ATP10B: variants seen among roughly 807,000 people sequenced by gnomAD.
The protein encoded by ATP10B is ATPase phospholipid transporting 10B (putative).
Under a neutral mutation model 141.2 loss-of-function variants are expected in ATP10B, and 122 were observed. That is an observed-to-expected ratio of 0.86 (90% confidence interval 0.75 to 1.00). ATP10B has a LOEUF of 1.00. Among genes scored for constraint, ATP10B ranks in the 50% least tolerant of loss-of-function variants. The pLI is 0.00. For synonymous variants in ATP10B, 685 were observed against 692.0 expected (o/e 0.99, Z 0.16); for missense variants, 1,876 against 1,825.3 (o/e 1.03, Z -0.51).
chr5:160,733,631 A>G (rs72818570), intron 2 of ATP10B, among the ~76,000 whole-genome samples: 1 of 151,892 alleles, frequency 6.6e-6, no homozygotes, highest in Non-Finnish European at 1.5e-5. Context: ...TTACACATAT[A>G]TGTAACACAT....
the ATP10B span, among the ~76,000 whole-genome samples, chr5:160,871,241 C>T: frequency 5.9e-5 from 9 of 152,006 alleles, no homozygotes; most frequent in East Asian, 1.9e-4. Context: ...TGTATATATA[C>T]ATATGTGCTT....
At chr5:160,661,525 A>C (rs1292443685) in intron 7 of ATP10B, among the ~76,000 whole-genome samples, 5 of 152,200 alleles carry the variant, frequency 3.3e-5, no homozygotes, top group Non-Finnish European at 1.5e-5. Flanking sequence ...TCTGCTTCAA[A>C]ATAATTTGCA....
At chr5:160,658,994 C>T (rs1761705389) in intron 7 of ATP10B, among the ~76,000 whole-genome samples, 1 of 152,128 alleles carries the variant, frequency 6.6e-6, no homozygotes, top group Non-Finnish European at 1.5e-5. Context: ...TTTGAGATAT[C>T]AAATATTTCC....
At chr5:160,750,629 C>A (rs1768091187) in intron 2 of ATP10B, among the ~76,000 whole-genome samples, 1 of 152,216 alleles carries the variant, frequency 6.6e-6, no homozygotes. Flanking sequence ...CAGAACCATC[C>A]TCCACTCTGC....
In ATP10B at chr5:160,830,021, C is replaced by A. The variant is rs1027191845; in HGVS notation, c.-576+21920G>T. ...GAGTGGTGGGAGTGGGCATCCTTGT[C>A]TTGTTCCAATTCTAAAGGGGAATGT... On this transcript the variant is annotated intron_variant, in intron 1 of 25. Transcript: ENST00000327245. 2.0e-5 allele frequency among the ~76,000 whole-genome samples: 3 copies of A among 152,026 alleles called. No homozygotes were observed. In the South Asian group the frequency reaches 6.2e-4, roughly 32 times the overall value.
At chr5:160,703,056 G>T (rs1284609686) in intron 3 of ATP10B, among the ~76,000 whole-genome samples, 2 of 152,148 alleles carry the variant, frequency 1.3e-5, no homozygotes, top group Non-Finnish European at 2.9e-5. Flanking sequence ...AAGCAAATTT[G>T]TTCATACTGG....
the ATP10B span, among the ~76,000 whole-genome samples, chr5:160,914,476 TA>T: frequency 6.6e-6 from 1 of 152,240 alleles, no homozygotes. Context: ...TCCTCCTGTA[TA>T]AATCGTCTCT....
intron 1 of ATP10B, among the ~76,000 whole-genome samples, chr5:160,812,896 A>G (rs895455738): frequency 2.0e-5 from 3 of 152,354 alleles, no homozygotes; most frequent in Admixed American, 2.0e-4. Context: ...ATATTCAAGC[A>G]CAAGAAGGTT....
intron 3 of ATP10B, among the ~76,000 whole-genome samples, chr5:160,704,788 T>C (rs879680964): frequency 1.1e-4 from 17 of 152,170 alleles, no homozygotes; most frequent in South Asian, 4.1e-4. Context: ...TTTGATAACT[T>C]GCCACAGCTT....
intron 25 of ATP10B, among the ~76,000 whole-genome samples, chr5:160,568,062 T>A (rs139590241): frequency 1.0e-3 from 158 of 152,276 alleles, no homozygotes; most frequent in African/African-American, 3.5e-3. Flanking sequence ...CCCAAGTGGG[T>A]AGCATTTGCT....
chr5:160,649,114 A>G (rs2127687524), intron 8 of ATP10B, 57 bp downstream of exon 8: 6 of 1,287,582 alleles, frequency 4.7e-6, no homozygotes, highest in Non-Finnish European at 6.8e-6. Flanking sequence ...TCTAGACAAT[A>G]TATTTTCTAG....
intron 7 of ATP10B, among the ~76,000 whole-genome samples, chr5:160,653,673 T>TATATATACATATATAC (rs1249134754): frequency 5.5e-5 from 1 of 18,230 alleles, no homozygotes; most frequent in African/African-American, 1.3e-4. Context: ...ACATATATAT[T>TATATATACATATATAC]ATATATACAT....
chr5:160,704,914 C>CTTTTTT (rs1170629163), intron 3 of ATP10B, among the ~76,000 whole-genome samples: 12,873 of 83,096 alleles, frequency 0.15, 1,843 homozygotes, highest in East Asian at 0.57. Context: ...TTTCTTTCAT[C>CTTTTTT]TTTTTTTTTT....
chr5:160,899,872 CAG>C, the ATP10B span, among the ~76,000 whole-genome samples: 1 of 152,116 alleles, frequency 6.6e-6, no homozygotes, highest in African/African-American at 2.4e-5. Context: ...GTCCTTTTCC[CAG>C]AGTGTGAGAC....
At chr5:160,898,859 G>C in the ATP10B span, among the ~76,000 whole-genome samples, 4 of 152,040 alleles carry the variant, frequency 2.6e-5, no homozygotes, top group Admixed American at 6.6e-5. Context: ...CATGGATGAA[G>C]CTGGAAACCA....
intron 24 of ATP10B, among the ~76,000 whole-genome samples, 196 bp downstream of exon 24, chr5:160,589,396 T>C (rs1267402872): frequency 6.6e-6 from 1 of 152,246 alleles, no homozygotes; most frequent in African/African-American, 2.4e-5. Context: ...ACATCCTGGC[T>C]AGATGAAAAG....
intron 2 of ATP10B, among the ~76,000 whole-genome samples, chr5:160,736,318 G>A (rs1179135368): frequency 6.6e-6 from 1 of 152,192 alleles, no homozygotes; most frequent in African/African-American, 2.4e-5. Flanking sequence ...ATCGTTAGTG[G>A]CTGCTATGAG....
At chr5:160,922,865 T>C in the ATP10B span, among the ~76,000 whole-genome samples, 1 of 152,190 alleles carries the variant, frequency 6.6e-6, no homozygotes, top group Non-Finnish European at 1.5e-5. Context: ...CCAAGGCCCA[T>C]TCAGCTGTCC....
At chr5:160,812,008 C>A (rs1427945468) in intron 1 of ATP10B, among the ~76,000 whole-genome samples, 1 of 67,380 alleles carries the variant, frequency 1.5e-5, no homozygotes, top group Non-Finnish European at 3.4e-5. Context: ...GAGACAGAGA[C>A]AGAGACAGAG....
Sources: allele counts gnomAD v4.1 joint callset (sites outside exome capture counted in the v4.1 genomes callset), GRCh38; gene constraint gnomAD v4.1.1; transcripts MANE v1.5; gene names NCBI Gene and HGNC (gene_info 2026-07-23, HGNC 2026-07-21).